IKZF3: variants seen among roughly 807,000 people sequenced by gnomAD.
The protein encoded by IKZF3 is zinc finger protein Aiolos.
A neutral mutation model predicts 49.0 loss-of-function variants in IKZF3; 10 were observed. The ratio of observed to expected loss-of-function variants is 0.20; its 90% CI spans 0.13 to 0.35. The LOEUF is 0.35. IKZF3 is among the 10% of genes least tolerant of loss of function. The pLI is 1.00. For synonymous variants in IKZF3, 209 were observed against 228.2 expected (o/e 0.92, Z 0.76); for missense variants, 498 against 664.8 (o/e 0.75, Z 2.76).
At chr17:39,789,748 A>AAAC in intron 5 of IKZF3, among the ~76,000 whole-genome samples, 6 of 151,196 alleles carry the variant, frequency 4.0e-5, no homozygotes, top group Middle Eastern at 3.4e-3. Flanking sequence ...ACAAACAAAC[A>AAAC]AAATTAGCTG....
chr17:39,807,449 T>A (rs2061454339), intron 3 of IKZF3, among the ~76,000 whole-genome samples: 1 of 148,888 alleles, frequency 6.7e-6, no homozygotes, highest in Non-Finnish European at 1.5e-5. Flanking sequence ...CAGGCTGGAG[T>A]GCAGCGGCAT....
At position 39,788,466 on chromosome 17, in the gene IKZF3, G is replaced by A; in HGVS notation, c.593-92C>T. 6.7e-6 allele frequency: 5 copies of A among 751,392 alleles called. No homozygotes were observed. The South Asian group carries it at 7.6e-5, about 11-fold the overall frequency. The allele number at this position is 751,392 out of a possible 1,614,324, so 46.5% of individuals were successfully genotyped here. ...TCTGTGACAACTGTTCACTAGAAAT[G>A]AGACTGCTGAGTGAAGCCAGAGTAT... On this transcript the variant is annotated intron_variant, in intron 5 of 7. Coordinates refer to ENST00000346872, the MANE Select transcript of IKZF3 (RefSeq NM_012481.5).
At chr17:39,851,024 G>A (rs985197586) in intron 1 of IKZF3, among the ~76,000 whole-genome samples, 1 of 144,044 alleles carries the variant, frequency 6.9e-6, no homozygotes. Context: ...ATACACGTAT[G>A]TTATATACAC....
chr17:39,777,743 T>A lies in IKZF3; in HGVS notation c.734A>T (p.Lys245Ile). Reference sequence around the variant, plus strand: ...AGCTCTTTCACTTCCCATCTCTGCTTTGATGTGTCTTGCCTCCGCACTTGC... The same window carrying A: ...AGCTCTTTCACTTCCCATCTCTGCTATGATGTGTCTTGCCTCCGCACTTGC... Reference protein sequence around the residue: ...DTASAEARHIKAEMGSERALV... With the variant: ...DTASAEARHIIAEMGSERALV... The change falls in exon 7 of 8, where the codon AAA becomes ATA. Residue 245 changes from lysine to isoleucine, a missense_variant. By Grantham distance (102) the Lys-to-Ile change is moderately radical. Around this residue, in one of 3 missense-constraint regions of IKZF3, gnomAD observed 317 missense variants for 397.3 expected, o/e 0.80. Transcript: ENST00000346872. 1 of 1,613,878 alleles carries A rather than the reference T, an allele frequency of 6.2e-7. No individual in the cohort carries two copies. The highest frequency in any genetic ancestry group is 2.2e-5 in the East Asian group (1 of 44,868).
chr17:39,835,017 ATCT>A (rs2062227949), intron 1 of IKZF3: 1 of 411,466 alleles, frequency 2.4e-6, no homozygotes, highest in Non-Finnish European at 4.7e-6. Context: ...CGTGGTCTTG[ATCT>A]TCTTCACAAC....
intron 3 of IKZF3, among the ~76,000 whole-genome samples, chr17:39,804,461 AG>A (rs1387009572): frequency 2.0e-5 from 3 of 151,974 alleles, no homozygotes; most frequent in Non-Finnish European, 4.4e-5. Flanking sequence ...AAAAAAAAAA[AG>A]AAATTGAATG....
chr17:39,784,646 C>T (rs2060829574), intron 6 of IKZF3, among the ~76,000 whole-genome samples: 1 of 152,224 alleles, frequency 6.6e-6, no homozygotes, highest in Non-Finnish European at 1.5e-5. Flanking sequence ...TTGTGATCCG[C>T]CCGCCTCGGC....
At chr17:39,860,324 G>C (rs907355480) in intron 1 of IKZF3, among the ~76,000 whole-genome samples, 3 of 151,638 alleles carry the variant, frequency 2.0e-5, no homozygotes, top group African/African-American at 7.3e-5. Context: ...ATAAGTGTAA[G>C]TATATACATT....
chr17:39,852,540 C>T (rs1010279228), intron 1 of IKZF3, among the ~76,000 whole-genome samples: 2 of 152,164 alleles, frequency 1.3e-5, no homozygotes, highest in African/African-American at 2.4e-5. Context: ...GGTTTTCTTC[C>T]TGTCTCACTG....
chr17:39,819,419 A>G (rs1291823814), intron 3 of IKZF3, among the ~76,000 whole-genome samples: 1 of 152,174 alleles, frequency 6.6e-6, no homozygotes, highest in African/African-American at 2.4e-5. Flanking sequence ...GTGAGACTCC[A>G]TGGATGTCAC....
intron 1 of IKZF3, among the ~76,000 whole-genome samples, chr17:39,862,333 C>A (rs1468677255): frequency 6.6e-6 from 1 of 152,058 alleles, no homozygotes; most frequent in Non-Finnish European, 1.5e-5. Context: ...ATCAATGTGA[C>A]CCCCAAATTG....
chr17:39,862,744 CTAAAT>C (rs1365459672), intron 1 of IKZF3, among the ~76,000 whole-genome samples: 1 of 152,212 alleles, frequency 6.6e-6, no homozygotes, highest in Non-Finnish European at 1.5e-5. Context: ...TCTACACACT[CTAAAT>C]TAAATTCTAC....
At chr17:39,844,612 T>C (rs942140418) in intron 1 of IKZF3, among the ~76,000 whole-genome samples, 3 of 152,024 alleles carry the variant, frequency 2.0e-5, no homozygotes, top group African/African-American at 4.8e-5. Flanking sequence ...TTCATTTTTT[T>C]GGGGGGGACA....
intron 3 of IKZF3, among the ~76,000 whole-genome samples, chr17:39,800,679 T>C (rs1485057763): frequency 6.6e-6 from 1 of 152,124 alleles, no homozygotes; most frequent in Non-Finnish European, 1.5e-5. Context: ...AGAGAGAATT[T>C]TGTAGGCTGA....
intron 3 of IKZF3, among the ~76,000 whole-genome samples, chr17:39,822,929 G>T (rs181395565): frequency 1.9e-4 from 29 of 152,202 alleles, no homozygotes; most frequent in South Asian, 6.2e-4. Flanking sequence ...CAGTATATTG[G>T]CACCACAGAG....
At chr17:39,777,451 T>C (rs1351444828) in intron 7 of IKZF3, among the ~76,000 whole-genome samples, 200 bp downstream of exon 7, 1 of 152,236 alleles carries the variant, frequency 6.6e-6, no homozygotes, top group Non-Finnish European at 1.5e-5. Context: ...CCATCTCCTG[T>C]CATGATGATG....
intron 1 of IKZF3, among the ~76,000 whole-genome samples, chr17:39,854,583 G>C (rs2062984101): frequency 6.6e-6 from 1 of 152,184 alleles, no homozygotes; most frequent in African/African-American, 2.4e-5. Flanking sequence ...TTTCAGAAAA[G>C]GAAGGTATTC....
At chr17:39,786,960 TAA>T (rs61343368) in intron 6 of IKZF3, among the ~76,000 whole-genome samples, 3,078 of 152,276 alleles carry the variant, frequency 0.02, 108 homozygotes, top group African/African-American at 0.071. Context: ...TTATCTAAAA[TAA>T]AAGTTTCCTC....
rs1306354373 is a variant in IKZF3 at position 39,759,457 on chromosome 17, A to C, written c.*6333T>G. The C allele has an allele frequency of 1.3e-5, 2 of 152,176 alleles. No homozygotes were observed. The highest frequency in any genetic ancestry group is 2.9e-5 in the Non-Finnish European group (2 of 68,042). The allele number at this position is 152,176 out of a possible 1,614,324, so 9.4% of individuals were successfully genotyped here. Reference sequence around the variant, plus strand: ...AAAAAAAAAGAGGAAACTTGTATCCAATTTATTCAAACTGCAAAACCCTGT... The same window carrying C: ...AAAAAAAAAGAGGAAACTTGTATCCCATTTATTCAAACTGCAAAACCCTGT... On this transcript the variant is annotated 3_prime_UTR_variant, in exon 8 of 8. Coordinates refer to ENST00000346872, the MANE Select transcript of IKZF3 (RefSeq NM_012481.5).
Sources: gnomAD v4.1 joint callset for allele counts (sites outside exome capture counted in the v4.1 genomes callset) on GRCh38, gnomAD v4.1.1 for gene constraint, gnomAD v4.1.1 regional missense constraint, MANE v1.5 for transcripts, NCBI Gene and HGNC (gene_info 2026-07-23, HGNC 2026-07-21) for gene names.